Variants in CDK6 observed in about 807,000 individuals in gnomAD.
CDK6 encodes the protein cyclin-dependent kinase 6.
In CDK6, 6 loss-of-function variants were observed where a neutral mutation model predicts 37.1. The observed-to-expected ratio is 0.16, with a 90% CI of 0.09 to 0.32. The LOEUF (loss-of-function observed/expected upper bound fraction) is 0.32. Ranked by LOEUF, CDK6 falls within the 10% of genes least tolerant of loss-of-function variation. The pLI is 1.00. For missense variants in CDK6, 224 were observed against 418.9 expected (o/e 0.53, Z 4.06); for synonymous variants, 160 against 161.3 (o/e 0.99, Z 0.06).
At position 92,688,563 on chromosome 7, in the gene CDK6, G is replaced by A. The variant is rs139117781; in HGVS notation, c.538-17028C>T. On this transcript the variant is annotated intron_variant, in intron 4 of 7. Transcript: ENST00000424848. ...CATCTGTTTGTCCTCCTCTTGAGGT[G>A]TATAGACTACATATACATCACACAC... Among the ~76,000 whole-genome samples, 1,025 of 142,464 alleles carry A rather than the reference G, an allele frequency of 7.2e-3. 5 individuals are homozygous for A. Among genetic ancestry groups the A allele is most frequent in the South Asian group, 0.019 (83 of 4,410 alleles). The allele number at this position is 142,464 out of a possible 152,430, so 93.5% of individuals were successfully genotyped here.
chr7:92,646,589 C>T (rs1008641123), intron 5 of CDK6, among the ~76,000 whole-genome samples: 4 of 151,692 alleles, frequency 2.6e-5, no homozygotes, highest in Non-Finnish European at 5.9e-5. Flanking sequence ...GTAGAGATAG[C>T]GTTTCACCAT....
intron 4 of CDK6, among the ~76,000 whole-genome samples, chr7:92,708,589 G>A (rs573414300): frequency 6.6e-6 from 1 of 152,174 alleles, no homozygotes; most frequent in South Asian, 2.1e-4. Context: ...CATGTCACTG[G>A]CACTTTAGGC....
In CDK6 at chr7:92,609,249, T is replaced by C. The variant is rs937833369; in HGVS notation, c.*5891A>G. ...TGAAAAATACTGCAATATCCTTCCCTACTAAATTTCAAGTGACACTGCTGT... is the reference window on the plus strand; with the variant it reads ...TGAAAAATACTGCAATATCCTTCCCCACTAAATTTCAAGTGACACTGCTGT... On this transcript the variant is annotated 3_prime_UTR_variant, in exon 8 of 8. Transcript: ENST00000424848. 47 of 232,534 alleles carry C rather than the reference T, an allele frequency of 2.0e-4. 1 individual carries two copies. The Admixed American group carries it at 2.2e-3, about 11-fold the overall frequency. The allele number at this position is 232,534 out of a possible 1,614,324, so 14.4% of individuals were successfully genotyped here.
chr7:92,786,964 A>T (rs1800157328), intron 2 of CDK6, among the ~76,000 whole-genome samples: 1 of 151,910 alleles, frequency 6.6e-6, no homozygotes. Flanking sequence ...GGGGTGGATC[A>T]CTTGAGGTCA....
chr7:92,687,126 G>A (rs1000945258), intron 4 of CDK6, among the ~76,000 whole-genome samples: 2 of 152,130 alleles, frequency 1.3e-5, no homozygotes, highest in Non-Finnish European at 2.9e-5. Context: ...TAGAAGCAGG[G>A]CCTCGTGATA....
At chr7:92,637,383 T>C (rs1796197945) in intron 5 of CDK6, among the ~76,000 whole-genome samples, 1 of 152,192 alleles carries the variant, frequency 6.6e-6, no homozygotes, top group Non-Finnish European at 1.5e-5. Context: ...TCCTTGAAAA[T>C]GAAATTCAGA....
intron 3 of CDK6, among the ~76,000 whole-genome samples, chr7:92,761,656 T>G (rs1389389635): frequency 6.6e-6 from 1 of 152,218 alleles, no homozygotes; most frequent in African/African-American, 2.4e-5. Context: ...AAAGCTCAAT[T>G]TATTTTACTT....
At chr7:92,682,641 T>C (rs1166297651) in intron 4 of CDK6, among the ~76,000 whole-genome samples, 2 of 152,120 alleles carry the variant, frequency 1.3e-5, no homozygotes, top group Non-Finnish European at 2.9e-5. Context: ...AATAAACATA[T>C]GTTCCAACAA....
At chr7:92,818,374 C>A (rs527637862) in intron 2 of CDK6, among the ~76,000 whole-genome samples, 1 of 151,810 alleles carries the variant, frequency 6.6e-6, no homozygotes, top group Non-Finnish European at 1.5e-5. Context: ...ATAAATGGTG[C>A]GGAAATAGCT....
intron 5 of CDK6, among the ~76,000 whole-genome samples, chr7:92,637,811 C>T (rs1796207572): frequency 6.6e-6 from 1 of 151,984 alleles, no homozygotes; most frequent in Non-Finnish European, 1.5e-5. Context: ...GGTATACATA[C>T]AAGGTGATTA....
In CDK6 at chr7:92,628,301, G is replaced by A. The variant is rs761378236; in HGVS notation, c.648-5215C>T. On this transcript the variant is annotated intron_variant, in intron 5 of 7. Transcript: ENST00000424848. ...TTAAAATCAGAAGAAAAAAAAACCCGACAACATTGCCTCTTGCCATACACT... is the reference window on the plus strand; with the variant it reads ...TTAAAATCAGAAGAAAAAAAAACCCAACAACATTGCCTCTTGCCATACACT... Among the ~76,000 whole-genome samples the A allele has an allele frequency of 2.9e-4, 44 of 151,408 alleles. No individual in the cohort carries two copies. In the Middle Eastern group the frequency reaches 0.01, roughly 36 times the overall value.
At chr7:92,778,936 T>TG (rs1342667875) in intron 2 of CDK6, among the ~76,000 whole-genome samples, 12 of 143,142 alleles carry the variant, frequency 8.4e-5, no homozygotes, top group African/African-American at 2.7e-4. Flanking sequence ...TATATATATA[T>TG]ATATATATAT....
intron 5 of CDK6, among the ~76,000 whole-genome samples, chr7:92,634,928 T>A (rs1004074974): frequency 3.0e-4 from 45 of 152,114 alleles, no homozygotes; most frequent in African/African-American, 1.1e-3. Flanking sequence ...AAGAGGGACA[T>A]GTGGGGGGAT....
chr7:92,619,675 T>A (rs1211824622), intron 6 of CDK6, among the ~76,000 whole-genome samples: 1 of 151,802 alleles, frequency 6.6e-6, no homozygotes, highest in Non-Finnish European at 1.5e-5. Flanking sequence ...GCCATAGACT[T>A]CAGCTGGGAA....
chr7:92,656,113 G>C (rs778948184), intron 5 of CDK6, among the ~76,000 whole-genome samples: 5 of 152,166 alleles, frequency 3.3e-5, no homozygotes, highest in Admixed American at 3.3e-4. Context: ...GAGGGAAAGA[G>C]AAGGAAGAGA....
chr7:92,635,056 A>G (rs1489352065), intron 5 of CDK6, among the ~76,000 whole-genome samples: 1 of 152,236 alleles, frequency 6.6e-6, no homozygotes, highest in South Asian at 2.1e-4. Flanking sequence ...AATAATGTGC[A>G]GTAAGTGCTC....
At chr7:92,658,847 C>T (rs1000748916) in intron 5 of CDK6, among the ~76,000 whole-genome samples, 4 of 152,136 alleles carry the variant, frequency 2.6e-5, no homozygotes, top group African/African-American at 7.2e-5. Flanking sequence ...TAAAGTGTCA[C>T]GTGGAGTGAA....
chr7:92,625,295 A>T (rs1795900713), intron 5 of CDK6, among the ~76,000 whole-genome samples: 1 of 151,696 alleles, frequency 6.6e-6, no homozygotes, highest in Non-Finnish European at 1.5e-5. Context: ...ACAGATAATC[A>T]TGTAAAGTAT....
rs980939946 is a variant in CDK6 at position 92,607,506 on chromosome 7, C to T, written c.*7634G>A. ...AAATACTACATCTATATATTCAAAT[C>T]TACTAATCATGTTACAAATGCATGC... On this transcript the variant is annotated 3_prime_UTR_variant, in exon 8 of 8. Coordinates refer to ENST00000424848, the MANE Select transcript of CDK6 (RefSeq NM_001145306.2). 5 of 232,642 alleles carry T rather than the reference C, an allele frequency of 2.1e-5. No individual in the cohort carries two copies. Among genetic ancestry groups the T allele is most frequent in the Middle Eastern group, 1.2e-3 (1 of 806 alleles). 14.4% of individuals were successfully genotyped at this position (232,642 alleles called of 1,614,324 possible). A position where few individuals can be genotyped will look rare whatever the true frequency, so the allele number is the denominator to read the frequency against.
Sources: allele counts gnomAD v4.1 joint callset (sites outside exome capture counted in the v4.1 genomes callset), GRCh38; gene constraint gnomAD v4.1.1; transcripts MANE v1.5; gene names NCBI Gene and HGNC (gene_info 2026-07-23, HGNC 2026-07-21).